EEFSEC: variants seen among roughly 807,000 people sequenced by gnomAD.
EEFSEC encodes the protein selenocysteine-specific elongation factor.
A neutral mutation model predicts 42.1 loss-of-function variants in EEFSEC; 43 were observed. That is an observed-to-expected ratio of 1.02 (90% CI 0.80 to 1.32). The LOEUF (loss-of-function observed/expected upper bound fraction) is 1.32. Among genes scored for constraint, EEFSEC ranks in the 40% most tolerant of loss-of-function variants. The pLI is 0.00. For missense variants in EEFSEC, 745 were observed against 803.6 expected (o/e 0.93, Z 0.88); for synonymous variants, 354 against 339.1 (o/e 1.04, Z -0.48).
intron 4 of EEFSEC, among the ~76,000 whole-genome samples, chr3:128,325,821 A>G (rs996501095): frequency 2.6e-5 from 4 of 152,210 alleles, no homozygotes; most frequent in Admixed American, 1.3e-4. Context: ...AAAGTGCTTC[A>G]TATATTTTAT....
chr3:128,348,459 T>A (rs2067343697), intron 5 of EEFSEC, among the ~76,000 whole-genome samples: 1 of 152,216 alleles, frequency 6.6e-6, no homozygotes, highest in African/African-American at 2.4e-5. Flanking sequence ...AAGCTTTAGA[T>A]TTGTTCAAAG....
chr3:128,370,268 G>T (rs2107603954), intron 6 of EEFSEC, among the ~76,000 whole-genome samples: 1 of 152,302 alleles, frequency 6.6e-6, no homozygotes, highest in East Asian at 1.9e-4. Context: ...CATAGGCAAT[G>T]CTAGGTTTGA....
At chr3:128,346,870 A>G (rs2067317757) in intron 5 of EEFSEC, among the ~76,000 whole-genome samples, 1 of 152,244 alleles carries the variant, frequency 6.6e-6, no homozygotes. Context: ...TTCACATGTA[A>G]CAAAATAATA....
chr3:128,162,873 G>A (rs1051841374), intron 1 of EEFSEC, among the ~76,000 whole-genome samples: 1 of 152,104 alleles, frequency 6.6e-6, no homozygotes, highest in Admixed American at 6.5e-5. Context: ...CACAGCTTTC[G>A]GTAAAGCTGT....
chr3:128,400,289 G>A (rs1054808383), intron 6 of EEFSEC, among the ~76,000 whole-genome samples: 3 of 152,208 alleles, frequency 2.0e-5, no homozygotes, highest in African/African-American at 7.2e-5. Flanking sequence ...TGAGGGACAG[G>A]GCTCCACCCC....
intron 6 of EEFSEC, among the ~76,000 whole-genome samples, chr3:128,361,581 C>A (rs1040974836): frequency 1.3e-5 from 2 of 152,194 alleles, no homozygotes; most frequent in South Asian, 4.1e-4. Flanking sequence ...GCCACAGACA[C>A]TTGCCTCAGA....
intron 6 of EEFSEC, among the ~76,000 whole-genome samples, chr3:128,395,422 TTCC>T (rs1259032710): frequency 6.6e-6 from 1 of 152,178 alleles, no homozygotes; most frequent in African/African-American, 2.4e-5. Context: ...CCCAGCTTCC[TTCC>T]TCCTCCTCCT....
chr3:128,205,574 T>C (rs1216025020), intron 1 of EEFSEC, among the ~76,000 whole-genome samples: 1 of 152,238 alleles, frequency 6.6e-6, no homozygotes, highest in Non-Finnish European at 1.5e-5. Context: ...GCAATGTTTG[T>C]CTGTAAGAAT....
chr3:128,229,913 T>C (rs1202305357), intron 1 of EEFSEC, among the ~76,000 whole-genome samples: 6 of 152,212 alleles, frequency 3.9e-5, no homozygotes, highest in Non-Finnish European at 8.8e-5. Context: ...GCCTAGCCCA[T>C]GTTGCTCATG....
chr3:128,364,969 G>T (rs1576674403), intron 6 of EEFSEC, among the ~76,000 whole-genome samples: 1 of 152,212 alleles, frequency 6.6e-6, no homozygotes, highest in Non-Finnish European at 1.5e-5. Context: ...GAGTAAGTGG[G>T]CACAGCATAC....
intron 4 of EEFSEC, among the ~76,000 whole-genome samples, chr3:128,307,586 C>T (rs1435924273): frequency 6.6e-6 from 1 of 152,192 alleles, no homozygotes; most frequent in Non-Finnish European, 1.5e-5. Flanking sequence ...AGTAGGGGTT[C>T]AGCGAATATT....
the EEFSEC span, among the ~76,000 whole-genome samples, chr3:128,418,985 C>T: frequency 6.6e-6 from 1 of 152,178 alleles, no homozygotes; most frequent in African/African-American, 2.4e-5. Flanking sequence ...CTCTTCATCC[C>T]CATACAAATT....
chr3:128,303,483 C>T lies in EEFSEC; in HGVS notation c.787-37750C>T, dbSNP rs1329679926. ...GCATTTAATTTTTGAATGAGGTTATCTTTGCATATGTTTATTGTCCATTTG... is the reference window on the plus strand; with the variant it reads ...GCATTTAATTTTTGAATGAGGTTATTTTTGCATATGTTTATTGTCCATTTG... On this transcript the variant is annotated intron_variant, in intron 4 of 6. Transcript: ENST00000254730. 4.6e-5 allele frequency among the ~76,000 whole-genome samples: 7 copies of T among 152,186 alleles called. No homozygotes were observed. The South Asian group carries it at 6.2e-4, about 13-fold the overall frequency.
intron 4 of EEFSEC, among the ~76,000 whole-genome samples, chr3:128,281,906 C>A (rs371726536): frequency 6.6e-6 from 1 of 152,140 alleles, no homozygotes; most frequent in Non-Finnish European, 1.5e-5. Context: ...TAGTGGTGGT[C>A]GTGGGATCTG....
chr3:128,334,504 G>A (rs192327703), intron 4 of EEFSEC, among the ~76,000 whole-genome samples: 4 of 152,356 alleles, frequency 2.6e-5, no homozygotes, highest in Admixed American at 1.3e-4. Context: ...AGCGTTTATC[G>A]TCCCAAGTCT....
intron 4 of EEFSEC, among the ~76,000 whole-genome samples, chr3:128,274,313 C>G (rs966177138): frequency 2.0e-5 from 3 of 152,182 alleles, no homozygotes; most frequent in Non-Finnish European, 1.5e-5. Context: ...TCCTCCGAGT[C>G]GCAGCAAAGA....
intron 1 of EEFSEC, among the ~76,000 whole-genome samples, chr3:128,244,725 T>C (rs1421073186): frequency 2.0e-5 from 3 of 152,204 alleles, no homozygotes; most frequent in Non-Finnish European, 4.4e-5. Flanking sequence ...AGAGATATTT[T>C]ATGTGTGTCG....
At chr3:128,279,447 G>A (rs1055304154) in intron 4 of EEFSEC, among the ~76,000 whole-genome samples, 47 of 152,354 alleles carry the variant, frequency 3.1e-4, no homozygotes, top group East Asian at 1.9e-4. Flanking sequence ...CTCCTGGGGG[G>A]AAATTATCCC....
At chr3:128,216,922 A>ATGGCAAAATAGT (rs2065816278) in intron 1 of EEFSEC, among the ~76,000 whole-genome samples, 1 of 152,098 alleles carries the variant, frequency 6.6e-6, no homozygotes, top group Non-Finnish European at 1.5e-5. Context: ...CAGATACTTG[A>ATGGCAAAATAGT]CCTCATAGAT....
Sources: gnomAD v4.1 joint callset for allele counts (sites outside exome capture counted in the v4.1 genomes callset) on GRCh38, gnomAD v4.1.1 for gene constraint, MANE v1.5 for transcripts, NCBI Gene and HGNC (gene_info 2026-07-23, HGNC 2026-07-21) for gene names.